Variants in KDM2B observed in about 807,000 individuals in gnomAD.
The protein encoded by KDM2B is lysine-specific demethylase 2B.
KDM2B carries 26 observed loss-of-function variants against 150.0 expected under a neutral mutation model. The ratio of observed to expected loss-of-function variants is 0.17; its 90% CI spans 0.13 to 0.24. KDM2B has a LOEUF of 0.24. KDM2B is among the 10% of genes least tolerant of loss of function. The probability of loss-of-function intolerance (pLI) is 1.00; values close to 1 mark genes in which losing one functional copy is unlikely to be tolerated. For missense variants in KDM2B, 1,265 were observed against 1,816.9 expected (o/e 0.70, Z 5.52); for synonymous variants, 734 against 729.5 (o/e 1.01, Z -0.10).
chr12:121,443,667 G>T lies in KDM2B; in HGVS notation c.2565+13C>A. On this transcript the variant is annotated intron_variant, in intron 17 of 22. Coordinates refer to ENST00000377071, the MANE Select transcript of KDM2B (RefSeq NM_032590.5). ...TCCCCGGGGCCTCAGGAGGGCGTGC[G>T]TCGTGGGAGCACCTGCTGCTGGAAG... 2 of 1,564,038 alleles carry T rather than the reference G, an allele frequency of 1.3e-6. No homozygotes were observed. The highest frequency in any genetic ancestry group is 8.8e-7 in the Non-Finnish European group (1 of 1,138,818).
chr12:121,555,461 C>T (rs1265717998), intron 4 of KDM2B, among the ~76,000 whole-genome samples: 1 of 152,172 alleles, frequency 6.6e-6, no homozygotes, highest in Non-Finnish European at 1.5e-5. Flanking sequence ...CAACCTCCAC[C>T]TCCCTGGTTC....
In KDM2B at chr12:121,578,956, C is replaced by A. The variant is rs782738310; in HGVS notation, c.127-10G>T. The A allele has an allele frequency of 6.2e-7, 1 of 1,610,270 alleles. No homozygotes were observed. The highest frequency in any genetic ancestry group is 1.1e-5 in the South Asian group (1 of 90,670). ...GGCGGTCAATCGGGCGCTGCGAGGA[C>A]CCAAACCAGAGAGCCCGGGACATTA... On this transcript the variant is annotated splice_polypyrimidine_tract_variant and intron_variant, in intron 1 of 22. Coordinates refer to ENST00000377071, the MANE Select transcript of KDM2B (RefSeq NM_032590.5).
chr12:121,480,920 GTTTTTTTTGTTGT>G (rs1483764043), intron 12 of KDM2B, among the ~76,000 whole-genome samples: 7 of 137,050 alleles, frequency 5.1e-5, no homozygotes, highest in Non-Finnish European at 7.8e-5. Context: ...AGTGAGAGGT[GTTTTTTTTGTTGT>G]TTTTTTTTTT....
Position 121,439,784 on chromosome 12 carries a change from G to GT in KDM2B, c.3829+72dup. On this transcript the variant is annotated intron_variant, in intron 22 of 22. Coordinates refer to ENST00000377071, the MANE Select transcript of KDM2B (RefSeq NM_032590.5). ...CCACATAGCTGTAGACACACGAATC[G>GT]TTTTCCACAAATGTGAACCTCCTGG... 2.6e-6 allele frequency: 3 copies of GT among 1,172,384 alleles called. No homozygotes were observed. In the South Asian group the frequency reaches 3.8e-5, roughly 15 times the overall value. The allele number at this position is 1,172,384 out of a possible 1,614,324, so 72.6% of individuals were successfully genotyped here.
chr12:121,557,715 G>A (rs1462404102), intron 4 of KDM2B, among the ~76,000 whole-genome samples: 2 of 152,182 alleles, frequency 1.3e-5, no homozygotes, highest in East Asian at 3.8e-4. Context: ...GGGAAATGTA[G>A]CCCTACAGAC....
intron 8 of KDM2B, among the ~76,000 whole-genome samples, chr12:121,524,050 C>T (rs932603930): frequency 6.6e-6 from 1 of 152,142 alleles, no homozygotes; most frequent in Admixed American, 6.6e-5. Context: ...TGTCGCCATC[C>T]CCGTTATCCT....
rs529637654 is a variant in KDM2B, at chr12:121,452,371, C to G, written c.1959+749G>C. On this transcript the variant is annotated intron_variant, in intron 13 of 22. Coordinates refer to ENST00000377071, the MANE Select transcript of KDM2B (RefSeq NM_032590.5). This position sits in a 1 kb window ranked among gnomAD's most constrained non-coding sequence, Gnocchi z 4.4. ...GGTGTCTGGGCCTGCGGGGCATCGA[C>G]AGCCAAGGAGGAAGGGCTCACCCTA... Among the ~76,000 whole-genome samples the G allele has an allele frequency of 2.1e-4, 32 of 152,316 alleles. No homozygotes were observed. The highest frequency in any genetic ancestry group is 3.8e-4 in the Non-Finnish European group (26 of 68,014).
At chr12:121,440,222 C>T (rs1228057253) in intron 21 of KDM2B, 147 bp from the exon 22 acceptor site, 4 of 622,684 alleles carry the variant, frequency 6.4e-6, no homozygotes, top group Non-Finnish European at 1.1e-5. Flanking sequence ...AATCATAATT[C>T]CAACAGTGAA....
intron 8 of KDM2B, among the ~76,000 whole-genome samples, chr12:121,532,384 C>A (rs1472541142): frequency 6.6e-6 from 1 of 152,130 alleles, no homozygotes; most frequent in Non-Finnish European, 1.5e-5. Flanking sequence ...AAATCTTAAT[C>A]CTATTTTACA....
intron 9 of KDM2B, among the ~76,000 whole-genome samples, chr12:121,519,106 T>C (rs1886474456): frequency 6.6e-6 from 1 of 152,146 alleles, no homozygotes; most frequent in South Asian, 2.1e-4. Flanking sequence ...GCGTCACGTG[T>C]CAATCTGCAG....
At chr12:121,536,216 G>T in intron 6 of KDM2B, 1 of 412,048 alleles carries the variant, frequency 2.4e-6, no homozygotes, top group Non-Finnish European at 3.3e-6. Flanking sequence ...CTTTCAGGTG[G>T]ACCGGGGGCT....
chr12:121,483,874 T>C (rs1882444820), intron 12 of KDM2B, among the ~76,000 whole-genome samples: 1 of 151,878 alleles, frequency 6.6e-6, no homozygotes, highest in Admixed American at 6.6e-5. Context: ...TAGCAGAGGT[T>C]TGATTGACAA....
Position 121,538,179 on chromosome 12 carries a change from G to A in KDM2B, c.684-3589C>T, listed in dbSNP as rs376764687. 1.1e-3 allele frequency among the ~76,000 whole-genome samples: 168 copies of A among 152,118 alleles called. 4 individuals are homozygous for A. The East Asian group carries it at 0.029, about 26-fold the overall frequency. ...GCCGCCAGGGAGGCGGAGGGAGGCC[G>A]CGGGGCGACCGGGAAGCAACGCGGG... On this transcript the variant is annotated intron_variant, in intron 6 of 22. Transcript: ENST00000377071.
chr12:121,479,204 C>T (rs1245998167), intron 12 of KDM2B, among the ~76,000 whole-genome samples: 1 of 151,794 alleles, frequency 6.6e-6, no homozygotes, highest in African/African-American at 2.4e-5. Flanking sequence ...AATCCCAGCA[C>T]TTTGGGAGGC....
intron 12 of KDM2B, among the ~76,000 whole-genome samples, chr12:121,480,585 A>C (rs1555297665): frequency 9.8e-5 from 4 of 40,712 alleles, no homozygotes; most frequent in African/African-American, 3.6e-4. Flanking sequence ...GTCGCTACCA[A>C]AAAAAAAAAA....
Position 121,467,321 on chromosome 12 carries a change from C to G in KDM2B, c.1735-13977G>C. ...GCCCTGGCTCGGGCTCGGGCTCGGG[C>G]TCGGGCTCCCGCTGCCGCGAGGAGG... On this transcript the variant is annotated intron_variant, in intron 12 of 22. Transcript: ENST00000377071. This position sits in a 1 kb window ranked among gnomAD's most constrained non-coding sequence, Gnocchi z 5.1. 1.0e-6 allele frequency: 1 copy of G among 982,882 alleles called. No individual in the cohort carries two copies. The highest frequency in any genetic ancestry group is 4.5e-5 in the South Asian group (1 of 22,110). 60.9% of individuals were successfully genotyped at this position (982,882 alleles called of 1,614,324 possible). A position where few individuals can be genotyped will look rare whatever the true frequency, so the allele number is the denominator to read the frequency against.
At chr12:121,449,681 A>G (rs1217894080) in intron 13 of KDM2B, among the ~76,000 whole-genome samples, 1 of 152,168 alleles carries the variant, frequency 6.6e-6, no homozygotes, top group Non-Finnish European at 1.5e-5. Flanking sequence ...CGTTCTAAAA[A>G]CCAACAGTTG....
At chr12:121,438,620 T>C (rs1488523264) in intron 22 of KDM2B, among the ~76,000 whole-genome samples, 2 of 152,026 alleles carry the variant, frequency 1.3e-5, no homozygotes, top group Admixed American at 6.6e-5. Context: ...CAAAACTTCA[T>C]GAGGAGAAGG....
chr12:121,415,022 G>A, the KDM2B span, among the ~76,000 whole-genome samples: 1 of 152,176 alleles, frequency 6.6e-6, no homozygotes, highest in African/African-American at 2.4e-5. Flanking sequence ...CTTGAGCCCG[G>A]GAGGCGGACG....
Sources: allele counts gnomAD v4.1 joint callset (sites outside exome capture counted in the v4.1 genomes callset), GRCh38; gene constraint gnomAD v4.1.1; non-coding constraint Gnocchi (gnomAD v3.1); transcripts MANE v1.5; gene names NCBI Gene and HGNC (gene_info 2026-07-23, HGNC 2026-07-21).